PCSK5: variants seen among roughly 807,000 people sequenced by gnomAD.
PCSK5 encodes the protein proprotein convertase subtilisin/kexin type 5, also known as prohormone convertase 5.
In PCSK5, 129 loss-of-function variants were observed where a neutral mutation model predicts 233.2. The observed-to-expected ratio is 0.55, with a 90% CI of 0.48 to 0.64. The LOEUF is 0.64. Ranked by LOEUF, PCSK5 falls within the 30% of genes least tolerant of loss-of-function variation. PCSK5 has a pLI of 0.00. For synonymous variants in PCSK5, 825 were observed against 879.2 expected (o/e 0.94, Z 1.09); for missense variants, 2,076 against 2,430.1 (o/e 0.85, Z 3.06).
chr9:76,002,517 T>A (rs1172151377), intron 3 of PCSK5, among the ~76,000 whole-genome samples: 1 of 152,202 alleles, frequency 6.6e-6, no homozygotes, highest in Non-Finnish European at 1.5e-5. Flanking sequence ...AAACGTAAGA[T>A]TTATTTACTG....
intron 28 of PCSK5, 45 bp from the exon 29 acceptor site, chr9:76,308,600 C>T: frequency 1.9e-6 from 2 of 1,080,572 alleles, no homozygotes; most frequent in Non-Finnish European, 2.9e-6. Context: ...ATCCTATGTG[C>T]CTATTCCAAG....
chr9:76,021,383 C>T (rs1828181329), intron 3 of PCSK5, among the ~76,000 whole-genome samples: 1 of 151,134 alleles, frequency 6.6e-6, no homozygotes, highest in Non-Finnish European at 1.5e-5. Flanking sequence ...GGGTGTATTT[C>T]TAAGTTCAGA....
intron 7 of PCSK5, among the ~76,000 whole-genome samples, chr9:76,079,217 C>T (rs886510573): frequency 6.6e-6 from 1 of 151,696 alleles, no homozygotes; most frequent in Non-Finnish European, 1.5e-5. Context: ...GATTCTCCTG[C>T]CTCAGACTCC....
chr9:76,028,016 A>G (rs1828501553), intron 5 of PCSK5, among the ~76,000 whole-genome samples: 1 of 152,222 alleles, frequency 6.6e-6, no homozygotes, highest in Admixed American at 6.5e-5. Flanking sequence ...TATGACCTAG[A>G]AAACTGTCAC....
rs117100438 is a variant in PCSK5 at position 76,299,205 on chromosome 9, C to A, written c.3523+2340C>A. Among the ~76,000 whole-genome samples the A allele has an allele frequency of 4.5e-3, 683 of 152,294 alleles. 3 individuals are homozygous for A. The highest frequency in any genetic ancestry group is 0.014 in the Middle Eastern group (4 of 294). On this transcript the variant is annotated intron_variant, in intron 27 of 37. Transcript: ENST00000674117. ...AGATTCCTCCACCTATCAGACAATG[C>A]CTGACAAATCCTCCAGCTAAGACTA...
At chr9:75,974,369 G>A (rs1484526499) in intron 2 of PCSK5, among the ~76,000 whole-genome samples, 1 of 152,192 alleles carries the variant, frequency 6.6e-6, no homozygotes, top group African/African-American at 2.4e-5. Flanking sequence ...CCCGACAGTG[G>A]TTTCTGAGGT....
At chr9:76,294,210 A>T (rs76780196) in intron 25 of PCSK5, among the ~76,000 whole-genome samples, 1 of 151,164 alleles carries the variant, frequency 6.6e-6, no homozygotes, top group Non-Finnish European at 1.5e-5. Context: ...AAAAAAAAAA[A>T]ACAGTTGTTA....
chr9:76,146,964 C>T (rs1446664373), intron 10 of PCSK5, among the ~76,000 whole-genome samples: 1 of 152,132 alleles, frequency 6.6e-6, no homozygotes, highest in Non-Finnish European at 1.5e-5. Context: ...TTTGCCTCCC[C>T]TATAAAATTT....
intron 16 of PCSK5, among the ~76,000 whole-genome samples, chr9:76,183,107 A>T (rs1287222317): frequency 6.6e-6 from 1 of 152,214 alleles, no homozygotes; most frequent in Non-Finnish European, 1.5e-5. Context: ...CCACAGAAAT[A>T]TGCAGTATTC....
At chr9:76,017,442 G>A (rs942031027) in intron 3 of PCSK5, among the ~76,000 whole-genome samples, 1 of 152,162 alleles carries the variant, frequency 6.6e-6, no homozygotes, top group Non-Finnish European at 1.5e-5. Context: ...GATCATAACA[G>A]CAACCAATTG....
intron 20 of PCSK5, among the ~76,000 whole-genome samples, chr9:76,220,868 T>G (rs1001605120): frequency 6.6e-6 from 1 of 152,138 alleles, no homozygotes; most frequent in African/African-American, 2.4e-5. Flanking sequence ...AACTTATCCC[T>G]CCTGTCTAAC....
At chr9:75,900,477 A>G (rs1302168221) in intron 1 of PCSK5, among the ~76,000 whole-genome samples, 1 of 151,938 alleles carries the variant, frequency 6.6e-6, no homozygotes, top group Non-Finnish European at 1.5e-5. Context: ...CCAGGAGATC[A>G]AGACCAGCCT....
At chr9:76,106,295 G>C (rs1831976067) in intron 8 of PCSK5, among the ~76,000 whole-genome samples, 1 of 152,066 alleles carries the variant, frequency 6.6e-6, no homozygotes, top group Non-Finnish European at 1.5e-5. Flanking sequence ...GTCCCAAAGA[G>C]GGCAAAAAAT....
At chr9:76,197,792 C>T (rs1432073263) in intron 20 of PCSK5, among the ~76,000 whole-genome samples, 2 of 152,138 alleles carry the variant, frequency 1.3e-5, no homozygotes, top group Non-Finnish European at 1.5e-5. Flanking sequence ...GGCCCTGCGC[C>T]CAATATGTGT....
In PCSK5 at chr9:76,029,990, CAAAA is replaced by C. The variant is rs574643573; in HGVS notation, c.632+2957_632+2960del. On this transcript the variant is annotated intron_variant, in intron 5 of 37. Coordinates refer to ENST00000674117, the MANE Select transcript of PCSK5 (RefSeq NM_001372043.1). ...TATATTGCCATAAGTTAAGAATACTCAAAAAAAGTTTCTAAATTCTGGAGAAATT... is the reference window on the plus strand; with the variant it reads ...TATATTGCCATAAGTTAAGAATACTCAAAGTTTCTAAATTCTGGAGAAATT... Among the ~76,000 whole-genome samples the C allele has an allele frequency of 3.1e-4, 47 of 151,960 alleles. 1 individual carries two copies. In the East Asian group the frequency reaches 3.5e-3, roughly 11 times the overall value.
intron 34 of PCSK5, among the ~76,000 whole-genome samples, chr9:76,334,710 C>G (rs774813748): frequency 6.6e-6 from 1 of 150,896 alleles, no homozygotes; most frequent in Non-Finnish European, 1.5e-5. Context: ...CAACCTGGAG[C>G]AAGATTCTGT....
intron 24 of PCSK5, among the ~76,000 whole-genome samples, chr9:76,273,974 T>TC (rs1391807986): frequency 1.3e-5 from 2 of 151,710 alleles, no homozygotes; most frequent in African/African-American, 2.4e-5. Flanking sequence ...TTTTTTTTTT[T>TC]CCAACAATTC....
At chr9:76,027,320 C>G (rs1334936769) in intron 5 of PCSK5, among the ~76,000 whole-genome samples, 1 of 151,966 alleles carries the variant, frequency 6.6e-6, no homozygotes, top group East Asian at 1.9e-4. Flanking sequence ...CCCTGTGAGC[C>G]ATTTGTTTAG....
intron 24 of PCSK5, among the ~76,000 whole-genome samples, chr9:76,254,052 G>A (rs1201072301): frequency 6.6e-6 from 1 of 152,154 alleles, no homozygotes; most frequent in East Asian, 1.9e-4. Flanking sequence ...GGTTGATAGA[G>A]CAGCCACTAC....
Sources: gnomAD v4.1 joint callset for allele counts (sites outside exome capture counted in the v4.1 genomes callset) on GRCh38, gnomAD v4.1.1 for gene constraint, MANE v1.5 for transcripts, NCBI Gene and HGNC (gene_info 2026-07-23, HGNC 2026-07-21) for gene names.